Variants in PKIB observed in about 807,000 individuals in gnomAD.
PKIB encodes cAMP-dependent protein kinase inhibitor beta.
PKIB carries 2 observed loss-of-function variants against 4.5 expected under a neutral mutation model. The observed-to-expected ratio is 0.44, with a 90% CI of 0.18 to 1.39. PKIB has a LOEUF of 1.39. Among genes scored for constraint, PKIB ranks in the 40% most tolerant of loss-of-function variants. PKIB has a pLI of 0.27. For missense variants in PKIB, 94 were observed against 92.6 expected (o/e 1.02, Z -0.06); for synonymous variants, 38 against 36.0 (o/e 1.06, Z -0.20).
intron 3 of PKIB, among the ~76,000 whole-genome samples, chr6:122,708,594 T>C (rs6920705): frequency 0.67 from 101,032 of 151,920 alleles, 35,155 homozygotes; most frequent in Non-Finnish European, 0.79. Context: ...ATTTTTTGAA[T>C]GCCTTTTTAA....
intron 2 of PKIB, among the ~76,000 whole-genome samples, chr6:122,500,877 G>T (rs1243587700): frequency 1.3e-5 from 2 of 152,124 alleles, no homozygotes; most frequent in Non-Finnish European, 2.9e-5. Context: ...TCTTCATATA[G>T]TAGAGCAGGA....
intron 3 of PKIB, among the ~76,000 whole-genome samples, chr6:122,685,389 A>G (rs2114984814): frequency 6.6e-6 from 1 of 152,320 alleles, no homozygotes; most frequent in African/African-American, 2.4e-5. Context: ...TCATGCATAA[A>G]CACAGCAGCA....
chr6:122,672,657 A>T (rs939781432), intron 2 of PKIB, among the ~76,000 whole-genome samples: 1 of 152,094 alleles, frequency 6.6e-6, no homozygotes. Context: ...TCATGAAAAA[A>T]TATTAGAACA....
rs528012857 is a variant in PKIB, at chr6:122,510,790, G to A, written c.-248+32851G>A. ...TTTGACCCAGATAAGGTGCTGGGTC[G>A]GGCCTGAATTGTTCCTTCACTGTAA... On this transcript the variant is annotated intron_variant, in intron 2 of 6. Transcript: ENST00000392491. 1.3e-4 allele frequency among the ~76,000 whole-genome samples: 20 copies of A among 152,200 alleles called. No individual in the cohort carries two copies. The South Asian group carries it at 3.7e-3, about 28-fold the overall frequency.
At chr6:122,580,219 G>A (rs566576826) in intron 2 of PKIB, among the ~76,000 whole-genome samples, 2 of 151,936 alleles carry the variant, frequency 1.3e-5, no homozygotes, top group Admixed American at 6.6e-5. Context: ...TTCTTCTTTA[G>A]GCAGAAATGT....
rs536950814 is a variant in PKIB, at chr6:122,539,232, G to A, written c.-247-46689G>A. 9.2e-5 allele frequency among the ~76,000 whole-genome samples: 14 copies of A among 152,166 alleles called. No homozygotes were observed. In the South Asian group the frequency reaches 2.9e-3, roughly 32 times the overall value. ...TCCAACACTATGTTGAATAGGAGGG[G>A]TGAGAGAGGGCATCCCTGTCTTGTG... On this transcript the variant is annotated intron_variant, in intron 2 of 6. Coordinates refer to the PKIB transcript ENST00000392491.
chr6:122,695,969 T>G (rs192293511), intron 3 of PKIB, among the ~76,000 whole-genome samples: 1 of 152,296 alleles, frequency 6.6e-6, no homozygotes, highest in African/African-American at 2.4e-5. Flanking sequence ...AAGGGCCCAA[T>G]TAAGAGTAGC....
intron 3 of PKIB, among the ~76,000 whole-genome samples, chr6:122,708,710 T>G (rs796419170): frequency 4.6e-5 from 7 of 152,320 alleles, no homozygotes; most frequent in African/African-American, 1.7e-4. Context: ...CTCAGGTCAC[T>G]GCAACCTCCT....
intron 2 of PKIB, among the ~76,000 whole-genome samples, chr6:122,559,456 A>G (rs1029485949): frequency 1.1e-4 from 16 of 152,132 alleles, no homozygotes; most frequent in Middle Eastern, 3.4e-3. Context: ...CTTATAGTAT[A>G]GTTTGAAATC....
At chr6:122,508,695 AT>A (rs1316658684) in intron 2 of PKIB, among the ~76,000 whole-genome samples, 3 of 152,168 alleles carry the variant, frequency 2.0e-5, no homozygotes, top group Non-Finnish European at 2.9e-5. Flanking sequence ...CAGTTTTAAT[AT>A]GTTGAGTAGC....
chr6:122,665,626 C>T (rs1321110332), intron 2 of PKIB, among the ~76,000 whole-genome samples: 1 of 151,650 alleles, frequency 6.6e-6, no homozygotes, highest in Non-Finnish European at 1.5e-5. Context: ...GGAATTCACA[C>T]AGTGTTAGTT....
At chr6:122,490,557 A>G (rs1775910840) in intron 2 of PKIB, among the ~76,000 whole-genome samples, 1 of 151,824 alleles carries the variant, frequency 6.6e-6, no homozygotes, top group Non-Finnish European at 1.5e-5. Flanking sequence ...CTTTCAGTTC[A>G]CACAGAGATC....
chr6:122,479,782 G>T (rs528925154), intron 2 of PKIB: 1 of 152,252 alleles, frequency 6.6e-6, no homozygotes, highest in South Asian at 2.1e-4. Context: ...AAAGTTTTAA[G>T]TTCTTTTGTA....
chr6:122,676,888 A>T (rs2815594), intron 3 of PKIB, among the ~76,000 whole-genome samples: 1 of 152,166 alleles, frequency 6.6e-6, no homozygotes, highest in South Asian at 2.1e-4. Flanking sequence ...TTGTGATTCC[A>T]GGTAAGTTGC....
At chr6:122,570,274 T>A (rs1476570511) in intron 2 of PKIB, among the ~76,000 whole-genome samples, 1 of 152,170 alleles carries the variant, frequency 6.6e-6, no homozygotes, top group Non-Finnish European at 1.5e-5. Flanking sequence ...TGCTCCCACC[T>A]TTCAACCTGA....
chr6:122,553,478 C>CTTTTTTTTTTTT (rs1562249215), intron 2 of PKIB, among the ~76,000 whole-genome samples: 22 of 48,918 alleles, frequency 4.5e-4, no homozygotes, highest in African/African-American at 1.4e-3. Context: ...GCTCAAATAT[C>CTTTTTTTTTTTT]TTCTTTTTTT....
intron 2 of PKIB, among the ~76,000 whole-genome samples, chr6:122,506,903 G>A (rs934131391): frequency 1.5e-4 from 22 of 151,286 alleles, no homozygotes; most frequent in African/African-American, 3.4e-4. Context: ...GGGTTTCACC[G>A]TGTTAGCCAG....
At chr6:122,492,055 G>A (rs1775947308) in intron 2 of PKIB, among the ~76,000 whole-genome samples, 1 of 152,150 alleles carries the variant, frequency 6.6e-6, no homozygotes, top group Admixed American at 6.5e-5. Context: ...GTTTTATTCA[G>A]AGGCTTAAGC....
intron 3 of PKIB, among the ~76,000 whole-genome samples, chr6:122,603,642 G>T (rs757609622): frequency 6.6e-6 from 1 of 152,026 alleles, no homozygotes; most frequent in Non-Finnish European, 1.5e-5. Flanking sequence ...TACCACGCCC[G>T]GCTAATTTAT....
Sources: gnomAD v4.1 joint callset for allele counts (sites outside exome capture counted in the v4.1 genomes callset) on GRCh38, gnomAD v4.1.1 for gene constraint, MANE v1.5 for transcripts, NCBI Gene and HGNC (gene_info 2026-07-23, HGNC 2026-07-21) for gene names.